Variants in BCAT1 observed in about 807,000 individuals in gnomAD.
BCAT1 encodes branched-chain-amino-acid aminotransferase, cytosolic.
In BCAT1, 48 loss-of-function variants were observed where a neutral mutation model predicts 52.4. The observed-to-expected ratio is 0.92, with a 90% CI of 0.73 to 1.16. BCAT1 has a LOEUF of 1.16. BCAT1 is among the 50% of genes most tolerant of loss of function. BCAT1 has a pLI of 0.00. For missense variants in BCAT1, 451 were observed against 457.1 expected (o/e 0.99, Z 0.12); for synonymous variants, 167 against 161.3 (o/e 1.04, Z -0.27).
chr12:24,849,873 C>G lies in BCAT1; in HGVS notation c.587G>C (p.Ser196Thr). The G allele has an allele frequency of 6.2e-7, 1 of 1,613,858 alleles. No homozygotes were observed. Among genetic ancestry groups the G allele is most frequent in the African/African-American group, 1.3e-5 (1 of 75,050 alleles). ...CAGGGACACTGGATTAAAGGTTCCA[C>G]TTGAAAAATAAGGTCCCACTGGGCT... is the stretch of plus-strand genomic sequence containing the variant. The part of the protein sequence containing the change: ...LLSPVGPYFS[S>T]GTFNPVSLWA... Residue 196 changes from serine to threonine, a missense_variant, in exon 6 of 11, where the codon AGT becomes ACT. Coordinates refer to ENST00000261192, the MANE Select transcript of BCAT1 (RefSeq NM_005504.7).
intron 1 of BCAT1, among the ~76,000 whole-genome samples, chr12:24,939,617 A>G (rs1422125754): frequency 1.3e-5 from 2 of 152,156 alleles, no homozygotes; most frequent in Admixed American, 6.5e-5. Context: ...CAGGTGGACC[A>G]CCTGAGGTCA....
chr12:24,849,615 G>A (rs1221793411), intron 6 of BCAT1, among the ~76,000 whole-genome samples, 171 bp downstream of exon 6: 2 of 152,168 alleles, frequency 1.3e-5, no homozygotes, highest in African/African-American at 4.8e-5. Flanking sequence ...GTTTATATAG[G>A]AAAAGCTACT....
At chr12:24,825,517 C>T (rs1333181920) in intron 10 of BCAT1, among the ~76,000 whole-genome samples, 3 of 150,586 alleles carry the variant, frequency 2.0e-5, no homozygotes, top group South Asian at 4.2e-4. Flanking sequence ...GTGGATTTTA[C>T]ATTGTGGTTT....
At chr12:24,936,723 T>TCTCACACA (rs201793932) in intron 1 of BCAT1, among the ~76,000 whole-genome samples, 8 of 141,912 alleles carry the variant, frequency 5.6e-5, no homozygotes, top group South Asian at 2.3e-4. Flanking sequence ...TCTCTCTCTC[T>TCTCACACA]CACACACACA....
rs1598077945 is a variant in BCAT1 at position 24,812,216 on chromosome 12, T to A, written c.*5792A>T. 6.6e-6 allele frequency: 1 copy of A among 152,106 alleles called. No individual in the cohort carries two copies. The highest frequency in any genetic ancestry group is 1.5e-5 in the Non-Finnish European group (1 of 67,946). 9.4% of individuals were successfully genotyped at this position (152,106 alleles called of 1,614,324 possible). A position where few individuals can be genotyped will look rare whatever the true frequency, so the allele number is the denominator to read the frequency against. ...GGAAACTAGTTTGAGGAAACTGCAA[T>A]GTGTTATTGCACATTTTAGTTAAAA... On this transcript the variant is annotated 3_prime_UTR_variant, in exon 11 of 11. Transcript: ENST00000261192.
Position 24,818,040 on chromosome 12 carries a change from C to T in BCAT1, c.1129G>A (p.Glu377Lys), listed in dbSNP as rs767621729. The change falls in exon 11 of 11, where the codon GAA becomes AAA. Residue 377 changes from glutamate to lysine, a missense_variant. Physicochemically the swap from Glu to Lys is moderately conservative, Grantham distance 56. Transcript: ENST00000261192. ...AGCACAATTGTCCAGTCGCTCTCTT[C>T]TCTTCCATACTGCAACAAAAGCAAG... ...SKLTDIQYGR[E>K]ESDWTIVLS 6.8e-6 allele frequency: 11 copies of T among 1,612,954 alleles called. No individual in the cohort carries two copies. Among genetic ancestry groups the T allele is most frequent in the Non-Finnish European group, 9.3e-6 (11 of 1,179,386 alleles).
chr12:24,869,032 T>G (rs1396483346), intron 5 of BCAT1, among the ~76,000 whole-genome samples: 1 of 152,252 alleles, frequency 6.6e-6, no homozygotes, highest in Non-Finnish European at 1.5e-5. Flanking sequence ...AGAGGACTTC[T>G]GTAGCTGGTA....
rs145452611 is a variant in BCAT1, at chr12:24,817,514, T to C, written c.*494A>G. 6.4e-6 allele frequency: 1 copy of C among 156,566 alleles called. No individual in the cohort carries two copies. The highest frequency in any genetic ancestry group is 2.4e-5 in the African/African-American group (1 of 41,426). The allele number at this position is 156,566 out of a possible 1,614,324, so 9.7% of individuals were successfully genotyped here. ...GACTTGGAGGACCTTCAAAAAACAG[T>C]GATGGGAGGAAATCCAGTTTTAAAA... On this transcript the variant is annotated 3_prime_UTR_variant, in exon 11 of 11. Coordinates refer to ENST00000261192, the MANE Select transcript of BCAT1 (RefSeq NM_005504.7).
At chr12:24,910,144 C>T (rs1943294321) in intron 1 of BCAT1, among the ~76,000 whole-genome samples, 1 of 152,110 alleles carries the variant, frequency 6.6e-6, no homozygotes, top group South Asian at 2.1e-4. Flanking sequence ...GAGGCCAAAG[C>T]AGGCATATCA....
At chr12:24,854,141 A>C (rs1332025473) in intron 5 of BCAT1, among the ~76,000 whole-genome samples, 3 of 152,238 alleles carry the variant, frequency 2.0e-5, no homozygotes, top group Non-Finnish European at 4.4e-5. Flanking sequence ...GAAAATCATC[A>C]CTTTCCTCTG....
chr12:24,837,798 T>C (rs7955886), intron 7 of BCAT1, among the ~76,000 whole-genome samples: 69,389 of 151,756 alleles, frequency 0.46, 16,162 homozygotes, highest in East Asian at 0.63. Flanking sequence ...CTGCCTTTGC[T>C]CTCTGAGATT....
At chr12:24,878,354 C>T (rs1942403349) in intron 5 of BCAT1, among the ~76,000 whole-genome samples, 176 bp downstream of exon 5, 1 of 152,118 alleles carries the variant, frequency 6.6e-6, no homozygotes. Flanking sequence ...AAAATATTTA[C>T]TGATTGGCGC....
At chr12:24,897,267 C>T (rs1011058247) in intron 2 of BCAT1, among the ~76,000 whole-genome samples, 6 of 152,116 alleles carry the variant, frequency 3.9e-5, no homozygotes, top group African/African-American at 1.4e-4. Context: ...CCTTAAAATA[C>T]CCATAGGACC....
intron 3 of BCAT1, among the ~76,000 whole-genome samples, chr12:24,888,442 T>G (rs563538351): frequency 6.6e-6 from 1 of 152,056 alleles, no homozygotes; most frequent in Non-Finnish European, 1.5e-5. Context: ...GAAGTTGCAG[T>G]GAGCTGAGAT....
chr12:24,943,630 T>C (rs3950612), intron 1 of BCAT1, among the ~76,000 whole-genome samples: 23,942 of 152,110 alleles, frequency 0.16, 2,196 homozygotes, highest in East Asian at 0.35. Flanking sequence ...GTATTATTTA[T>C]TTATTCTTAA....
chr12:24,905,485 T>C (rs1472076549), intron 1 of BCAT1, among the ~76,000 whole-genome samples: 1 of 152,174 alleles, frequency 6.6e-6, no homozygotes, highest in African/African-American at 2.4e-5. Context: ...ATCTGTAAAA[T>C]AACTCAAAAA....
In BCAT1 at chr12:24,850,815, C is replaced by T. The variant is rs76829999; in HGVS notation, c.511-866G>A. 1.2e-3 allele frequency among the ~76,000 whole-genome samples: 187 copies of T among 152,316 alleles called. 7 individuals carry two copies. In the East Asian group the frequency reaches 0.032, roughly 26 times the overall value. On this transcript the variant is annotated intron_variant, in intron 5 of 10. Coordinates refer to ENST00000261192, the MANE Select transcript of BCAT1 (RefSeq NM_005504.7). ...GGCTGCACTGAAGTCACAGGGACTA[C>T]TCTGGATGGGAAGGCTGCCCGAATT...
intron 1 of BCAT1, among the ~76,000 whole-genome samples, chr12:24,920,178 G>T (rs987642113): frequency 1.3e-5 from 2 of 152,134 alleles, no homozygotes; most frequent in African/African-American, 4.8e-5. Flanking sequence ...CAGCATCCAG[G>T]AAGATCTCAA....
chr12:24,881,476 T>G, intron 3 of BCAT1, 65 bp from the exon 4 acceptor site: 1 of 1,063,024 alleles, frequency 9.4e-7, no homozygotes, highest in Non-Finnish European at 1.4e-6. Flanking sequence ...TTCAAGAGAC[T>G]GACTTTCCTA....
Sources: gnomAD v4.1 joint callset for allele counts (sites outside exome capture counted in the v4.1 genomes callset) on GRCh38, gnomAD v4.1.1 for gene constraint, MANE v1.5 for transcripts, NCBI Gene and HGNC (gene_info 2026-07-23, HGNC 2026-07-21) for gene names.